SYT12: variants seen among roughly 807,000 people sequenced by gnomAD.
SYT12 encodes the protein synaptotagmin 12, also known as synaptotagmin-12.
A neutral mutation model predicts 39.5 loss-of-function variants in SYT12; 27 were observed. The ratio of observed to expected loss-of-function variants is 0.68; its 90% confidence interval spans 0.50 to 0.94. The LOEUF (loss-of-function observed/expected upper bound fraction) is 0.94, where lower values mean the gene tolerates loss of function less well. Ranked by LOEUF, SYT12 falls within the 40% of genes least tolerant of loss-of-function variation. The pLI, the probability that SYT12 is intolerant of heterozygous loss-of-function variation, is 0.00. For synonymous variants in SYT12, 233 were observed against 239.7 expected, an observed-to-expected ratio of 0.97 and a Z score of 0.26; for missense variants, 536 against 572.6, an observed-to-expected ratio of 0.94 and a Z score of 0.65.
intron 3 of SYT12, 68 bp from the exon 4 acceptor site, chr11:67,039,743 T>C: frequency 6.6e-7 from 1 of 1,525,836 alleles, no homozygotes; most frequent in Non-Finnish European, 8.8e-7. Flanking sequence ...ACTCATCTCT[T>C]TGCCGTCTCC....
chr11:67,023,761 C>A (rs185817574), intron 1 of SYT12, among the ~76,000 whole-genome samples: 1 of 152,364 alleles, frequency 6.6e-6, no homozygotes, highest in East Asian at 1.9e-4. Context: ...ACACGCCCCT[C>A]ACTTTCGCAT....
At position 67,034,760 on chromosome 11, in the gene SYT12, C is replaced by T. The variant is rs1163887583; in HGVS notation, c.150C>T (p.Ser50=). 4 of 1,603,140 alleles carry T rather than the reference C, an allele frequency of 2.5e-6. No homozygotes were observed. The highest frequency in any genetic ancestry group is 2.6e-6 in the Non-Finnish European group (3 of 1,176,074). ...TCTGGACGTCGGGGAGCTTCCCCAG[C>T]CCCTCTCCGTTCCCCAATTACGACT... is the stretch of plus-strand genomic sequence containing the variant. ...WKLWTSGSFP[S]PSPFPNYDYR... Residue 50 remains serine (S), a synonymous_variant, in exon 3 of 8, where the codon AGC becomes AGT. Coordinates refer to ENST00000527043, the MANE Select transcript of SYT12 (RefSeq NM_177963.4).
At chr11:67,044,737 C>A in intron 6 of SYT12, 24 bp downstream of exon 6, 1 of 1,612,900 alleles carries the variant, frequency 6.2e-7, no homozygotes, top group Non-Finnish European at 8.5e-7. Context: ...GGCAGCCCGG[C>A]TCCTCCACGT....
At chr11:67,029,980 C>T (rs972679570) in intron 1 of SYT12, 142 bp from the exon 2 acceptor site, 15 of 636,140 alleles carry the variant, frequency 2.4e-5, no homozygotes, top group Non-Finnish European at 3.5e-5. Context: ...TCTTAAAATG[C>T]CAAGCCTCCC....
rs564158090 is a variant in SYT12, at chr11:67,041,790, G to C, written c.621+1587G>C. ...CAGTTTCCTTCTGGTGACCTCCACT[G>C]GCTGACCCAACCAGAAGCCAAAGGC... On this transcript the variant is annotated intron_variant, in intron 4 of 7. Transcript: ENST00000527043. Among the ~76,000 whole-genome samples, 8 of 152,342 alleles carry C rather than the reference G, an allele frequency of 5.3e-5. No homozygotes were observed. The South Asian group carries it at 1.4e-3, about 28-fold the overall frequency.
At chr11:67,034,928 T>A (rs1222320570) in intron 3 of SYT12, 90 bp downstream of exon 3, 8 of 1,002,906 alleles carry the variant, frequency 8.0e-6, no homozygotes, top group Non-Finnish European at 9.7e-6. Context: ...TCTCCCTCCG[T>A]CACCACCTCC....
rs924753630 is a variant in SYT12, at chr11:67,049,841, G to A, written c.*1084G>A. 3 of 152,376 alleles carry A rather than the reference G, an allele frequency of 2.0e-5. No homozygotes were observed. Among genetic ancestry groups the A allele is most frequent in the African/African-American group, 7.2e-5 (3 of 41,450 alleles). The allele number at this position is 152,376 out of a possible 1,614,324, so 9.4% of individuals were successfully genotyped here. On this transcript the variant is annotated 3_prime_UTR_variant, in exon 8 of 8. Coordinates refer to ENST00000527043, the MANE Select transcript of SYT12 (RefSeq NM_177963.4). ...GGAAGGGCGGCTTGAGGGACGCCAG[G>A]AGAAGACTGAATGCCAGGCTAGGAA...
intron 2 of SYT12, among the ~76,000 whole-genome samples, chr11:67,010,427 CA>C (rs1591347657): frequency 6.6e-6 from 1 of 152,330 alleles, no homozygotes; most frequent in South Asian, 2.1e-4. Context: ...GCAGCCAAGA[CA>C]GGGGTAGTGT....
At chr11:67,012,993 G>A (rs1018470656) in intron 3 of SYT12, among the ~76,000 whole-genome samples, 12 of 152,270 alleles carry the variant, frequency 7.9e-5, no homozygotes, top group African/African-American at 2.2e-4. Context: ...TTGGGAATCT[G>A]CCCGTCATTC....
In SYT12 at chr11:67,039,823, T is replaced by G; in HGVS notation, c.241T>G (p.Trp81Gly). The change falls in exon 4 of 8, where the codon TGG becomes GGG. Residue 81 changes from tryptophan (W) to glycine (G), a missense_variant. Physicochemically the swap from Trp to Gly is radical, Grantham distance 184. Transcript: ENST00000527043. ...AEAREKRVPA[W>G]NAQRASTRGP... ...TTCTCACCCCTAGAGAGTGCCTGCC[T>G]GGAATGCCCAGCGGGCCAGCACGCG... 1 of 1,610,414 alleles carries G rather than the reference T, an allele frequency of 6.2e-7. No individual in the cohort carries two copies. Among genetic ancestry groups the G allele is most frequent in the East Asian group, 2.2e-5 (1 of 44,818 alleles).
intron 3 of SYT12, among the ~76,000 whole-genome samples, chr11:67,013,061 C>G (rs1350242277): frequency 2.0e-5 from 3 of 152,126 alleles, no homozygotes; most frequent in Non-Finnish European, 2.9e-5. Context: ...GCCCCAGAGT[C>G]CGGAAGGAAA....
At chr11:67,033,865 GGA>G (rs1197359020) in intron 2 of SYT12, among the ~76,000 whole-genome samples, 1 of 152,218 alleles carries the variant, frequency 6.6e-6, no homozygotes, top group Non-Finnish European at 1.5e-5. Flanking sequence ...GTGCTGGGGA[GGA>G]CTCGCCTGCC....
chr11:67,042,240 T>G (rs762435045), intron 4 of SYT12, among the ~76,000 whole-genome samples: 4 of 152,158 alleles, frequency 2.6e-5, no homozygotes, highest in Non-Finnish European at 4.4e-5. Flanking sequence ...GATGGGTTAA[T>G]GTATGTGAAG....
rs1854655991 is a variant in SYT12, at chr11:67,048,748, G to A, written c.1257G>A (p.Arg419=). 1 of 1,593,970 alleles carries A rather than the reference G, an allele frequency of 6.3e-7. No individual in the cohort carries two copies. Among genetic ancestry groups the A allele is most frequent in the Non-Finnish European group, 8.6e-7 (1 of 1,164,134 alleles). The change falls in exon 8 of 8, where the codon CGG becomes CGA. Residue 419 remains arginine (R), a synonymous_variant. Transcript: ENST00000527043. ...CCGTGTCCATGTGGCACGCTGTCCG[G>A]CGAAACTAGCAACCAGGGCGGGCCA... ...RRPVSMWHAV[R]RN
At chr11:67,008,751 A>G (rs754620160) in intron 1 of SYT12, among the ~76,000 whole-genome samples, 4 of 152,018 alleles carry the variant, frequency 2.6e-5, no homozygotes, top group African/African-American at 9.7e-5. Flanking sequence ...GGTTTCAACC[A>G]TGTTGGTCAT....
intron 2 of SYT12, among the ~76,000 whole-genome samples, chr11:67,010,371 C>T (rs1950005003): frequency 6.6e-6 from 1 of 152,204 alleles, no homozygotes; most frequent in African/African-American, 2.4e-5. Flanking sequence ...CAGGTCCAGG[C>T]TCCAGCTCTA....
At chr11:67,037,883 GA>G (rs760091548) in intron 3 of SYT12, among the ~76,000 whole-genome samples, 54 of 90,402 alleles carry the variant, frequency 6.0e-4, no homozygotes, top group Middle Eastern at 5.8e-3. Context: ...CTCCCCCTCA[GA>G]AAAAAAAAAA....
intron 3 of SYT12, among the ~76,000 whole-genome samples, chr11:67,013,904 G>A (rs1401042936): frequency 1.3e-5 from 2 of 152,196 alleles, no homozygotes; most frequent in South Asian, 4.1e-4. Context: ...CCCTCCAGAC[G>A]CTCTCCGGGA....
upstream of SYT12, among the ~76,000 whole-genome samples, chr11:67,023,106 C>A (rs1197584569): frequency 1.3e-5 from 2 of 152,174 alleles, no homozygotes; most frequent in African/African-American, 2.4e-5. Context: ...GGCCTCAGGG[C>A]GTCCCTGGAT....
Sources: allele counts gnomAD v4.1 joint callset (sites outside exome capture counted in the v4.1 genomes callset), GRCh38; gene constraint gnomAD v4.1.1; transcripts MANE v1.5; gene names NCBI Gene and HGNC (gene_info 2026-07-23, HGNC 2026-07-21).